The following CHRM3 variants were observed in gnomAD, a reference collection of about 807,000 sequenced individuals.
The protein encoded by CHRM3 is cholinergic receptor muscarinic 3, also known as muscarinic acetylcholine receptor M3.
CHRM3 carries 11 observed loss-of-function variants against 41.8 expected under a neutral mutation model. The observed-to-expected ratio is 0.26, with a 90% CI of 0.17 to 0.44. The LOEUF is 0.44. CHRM3 is among the 20% of genes least tolerant of loss of function. The pLI is 1.00. For synonymous variants in CHRM3, 297 were observed against 301.4 expected (o/e 0.99, Z 0.15); for missense variants, 571 against 745.4 (o/e 0.77, Z 2.72).
At chr1:239,396,431 CA>C (rs1040375790) in intron 1 of CHRM3, among the ~76,000 whole-genome samples, 1 of 151,340 alleles carries the variant, frequency 6.6e-6, no homozygotes, top group Non-Finnish European at 1.5e-5. Context: ...GGCAACTTAG[CA>C]AAAAAAATCT....
intron 3 of CHRM3, among the ~76,000 whole-genome samples, chr1:239,617,020 T>C (rs1667705369): frequency 6.6e-6 from 1 of 152,056 alleles, no homozygotes; most frequent in South Asian, 2.1e-4. Flanking sequence ...AAGAATAATT[T>C]TGTTTCTTTC....
intron 4 of CHRM3, among the ~76,000 whole-genome samples, chr1:239,657,426 G>A (rs1672811193): frequency 6.6e-6 from 1 of 152,172 alleles, no homozygotes; most frequent in Admixed American, 6.5e-5. Flanking sequence ...AACTGAGAGA[G>A]GCCAAAGAAC....
intron 1 of CHRM3, among the ~76,000 whole-genome samples, chr1:239,480,633 T>C (rs1246356864): frequency 1.4e-5 from 2 of 145,610 alleles, no homozygotes; most frequent in Non-Finnish European, 3.0e-5. Flanking sequence ...CTTGGCTCAC[T>C]GCAAGCTCTG....
intron 3 of CHRM3, among the ~76,000 whole-genome samples, chr1:239,559,322 T>C (rs765277337): frequency 1.6e-4 from 25 of 152,218 alleles, no homozygotes; most frequent in Non-Finnish European, 3.5e-4. Flanking sequence ...TGAGAATCTC[T>C]ACAGTGTACT....
rs567287545 is a variant in CHRM3, at chr1:239,492,199, A to G, written c.-520-510A>G. Among the ~76,000 whole-genome samples the G allele has an allele frequency of 7.2e-5, 11 of 152,252 alleles. No homozygotes were observed. In the East Asian group the frequency reaches 1.9e-3, roughly 27 times the overall value. ...GCAATATTGCTCTTTACTTCCAAAAAGTCAGCAGATACCTACCTACCTACC... is the reference window on the plus strand; with the variant it reads ...GCAATATTGCTCTTTACTTCCAAAAGGTCAGCAGATACCTACCTACCTACC... On this transcript the variant is annotated intron_variant, in intron 1 of 6. Coordinates refer to ENST00000676153, the MANE Select transcript of CHRM3 (RefSeq NM_001375978.1).
At chr1:239,527,686 T>C (rs1346224705) in intron 2 of CHRM3, among the ~76,000 whole-genome samples, 1 of 152,240 alleles carries the variant, frequency 6.6e-6, no homozygotes, top group Admixed American at 6.5e-5. Flanking sequence ...GGTAAATACC[T>C]TGATCACAGT....
chr1:239,456,406 C>T (rs1053534482), intron 1 of CHRM3, among the ~76,000 whole-genome samples: 1 of 152,106 alleles, frequency 6.6e-6, no homozygotes, highest in Non-Finnish European at 1.5e-5. Flanking sequence ...TTACAGTTAC[C>T]TACATTATTC....
At chr1:239,613,306 T>G (rs1158788388) in intron 3 of CHRM3, among the ~76,000 whole-genome samples, 1 of 152,246 alleles carries the variant, frequency 6.6e-6, no homozygotes, top group Non-Finnish European at 1.5e-5. Context: ...AGAGCTTATC[T>G]TCAACAAATG....
intron 5 of CHRM3, among the ~76,000 whole-genome samples, chr1:239,812,047 T>G (rs1026851304): frequency 6.6e-6 from 1 of 152,174 alleles, no homozygotes; most frequent in African/African-American, 2.4e-5. Flanking sequence ...GTGCTAGGTT[T>G]TTTGGTTTGT....
chr1:239,791,924 G>A (rs556102259), intron 5 of CHRM3, among the ~76,000 whole-genome samples: 2 of 152,308 alleles, frequency 1.3e-5, no homozygotes, highest in Non-Finnish European at 2.9e-5. Context: ...GGGTGCATGT[G>A]TCTGTAAATA....
intron 3 of CHRM3, among the ~76,000 whole-genome samples, chr1:239,570,765 C>A (rs1357567751): frequency 6.6e-6 from 1 of 151,918 alleles, no homozygotes; most frequent in East Asian, 1.9e-4. Context: ...TGTTAAACTC[C>A]CAAAAGAAGT....
chr1:239,857,402 G>A (rs142680436), intron 6 of CHRM3, among the ~76,000 whole-genome samples: 2 of 152,116 alleles, frequency 1.3e-5, no homozygotes, highest in East Asian at 3.9e-4. Flanking sequence ...ATACTACCAC[G>A]AATAAGTTAA....
chr1:239,515,444 A>G (rs963892254), intron 2 of CHRM3, among the ~76,000 whole-genome samples: 1 of 150,258 alleles, frequency 6.7e-6, no homozygotes, highest in Non-Finnish European at 1.5e-5. Flanking sequence ...GGGTAAGGAC[A>G]CTGTTAGGGG....
chr1:239,388,301 C>A (rs576933239), intron 1 of CHRM3, among the ~76,000 whole-genome samples: 2 of 152,266 alleles, frequency 1.3e-5, no homozygotes, highest in Admixed American at 6.5e-5. Context: ...TTTATCAAAG[C>A]GATGTGTGGT....
intron 1 of CHRM3, among the ~76,000 whole-genome samples, chr1:239,398,084 C>T (rs1231459918): frequency 1.3e-5 from 2 of 151,872 alleles, no homozygotes; most frequent in Non-Finnish European, 2.9e-5. Flanking sequence ...AGAGGGAGGA[C>T]AGGAGTATGT....
At chr1:239,889,852 G>A (rs989488275) in intron 6 of CHRM3, among the ~76,000 whole-genome samples, 11 of 152,284 alleles carry the variant, frequency 7.2e-5, no homozygotes, top group Admixed American at 3.3e-4. Flanking sequence ...GGCTCAAGGA[G>A]TATAGTGTAC....
At chr1:239,715,377 G>A (rs531432290) in intron 5 of CHRM3, among the ~76,000 whole-genome samples, 2 of 152,216 alleles carry the variant, frequency 1.3e-5, no homozygotes, top group South Asian at 4.1e-4. Flanking sequence ...GTGTGCAGTG[G>A]TGTTCTGATA....
In CHRM3 at chr1:239,610,630, C is replaced by T. The variant is rs180821251; in HGVS notation, c.-312-21594C>T. On this transcript the variant is annotated intron_variant, in intron 3 of 6. Transcript: ENST00000676153. ...GTGATCCCTTTTTAAAATGAGAAAACGGAGGCACAGCAAGGAAAGACACTT... is the reference window on the plus strand; with the variant it reads ...GTGATCCCTTTTTAAAATGAGAAAATGGAGGCACAGCAAGGAAAGACACTT... Among the ~76,000 whole-genome samples, 491 of 152,236 alleles carry T rather than the reference C, an allele frequency of 3.2e-3. 5 individuals are homozygous for T. Among genetic ancestry groups the T allele is most frequent in the African/African-American group, 0.011 (440 of 41,542 alleles).
At chr1:239,662,355 G>C (rs940863579) in intron 4 of CHRM3, among the ~76,000 whole-genome samples, 2 of 152,114 alleles carry the variant, frequency 1.3e-5, no homozygotes, top group Non-Finnish European at 2.9e-5. Flanking sequence ...CATGATTGTA[G>C]TAGGAGACTT....
Sources: gnomAD v4.1 joint callset for allele counts (sites outside exome capture counted in the v4.1 genomes callset) on GRCh38, gnomAD v4.1.1 for gene constraint, MANE v1.5 for transcripts, NCBI Gene and HGNC (gene_info 2026-07-23, HGNC 2026-07-21) for gene names.